UTRN: variants seen among roughly 807,000 people sequenced by gnomAD.
The protein encoded by UTRN is utrophin.
Under a neutral mutation model 463.9 loss-of-function variants are expected in UTRN, and 283 were observed. The ratio of observed to expected loss-of-function variants is 0.61; its 90% CI spans 0.55 to 0.67. The LOEUF (loss-of-function observed/expected upper bound fraction) is 0.67, where lower values mean the gene tolerates loss of function less well. Among genes scored for constraint, UTRN ranks in the 30% least tolerant of loss-of-function variants. The pLI is 0.00. For missense variants in UTRN, 3,922 were observed against 4,084.3 expected, an observed-to-expected ratio of 0.96 and a Z score of 1.08; for synonymous variants, 1,442 against 1,431.5, an observed-to-expected ratio of 1.01 and a Z score of -0.17.
chr6:144,777,361 G>GA (rs560097632), intron 60 of UTRN, among the ~76,000 whole-genome samples: 4 of 151,768 alleles, frequency 2.6e-5, no homozygotes, highest in South Asian at 2.1e-4. Flanking sequence ...TTAAATGGCA[G>GA]AAAAAAAATG....
At chr6:144,583,847 G>C (rs1802209971) in intron 51 of UTRN, among the ~76,000 whole-genome samples, 1 of 152,154 alleles carries the variant, frequency 6.6e-6, no homozygotes. Context: ...CTAGTGAAAT[G>C]TTTGGAGAAA....
At chr6:144,463,005 T>C (rs1038195997) in intron 23 of UTRN, 139 bp downstream of exon 23, 15 of 797,164 alleles carry the variant, frequency 1.9e-5, no homozygotes, top group Non-Finnish European at 1.7e-5. Flanking sequence ...TTGGGACTTA[T>C]CAAAGATGTA....
chr6:144,614,724 A>G (rs1805891883), intron 51 of UTRN, among the ~76,000 whole-genome samples: 1 of 152,166 alleles, frequency 6.6e-6, no homozygotes, highest in African/African-American at 2.4e-5. Flanking sequence ...AGGAGGTCAA[A>G]TGTGCTTTTG....
chr6:144,325,095 G>T (rs9496931), intron 2 of UTRN, among the ~76,000 whole-genome samples: 194 of 152,298 alleles, frequency 1.3e-3, no homozygotes, highest in Admixed American at 2.7e-3. Context: ...GCATGGCAAG[G>T]CTCTGAATAG....
At chr6:144,667,549 C>T (rs1780553663) in intron 51 of UTRN, among the ~76,000 whole-genome samples, 1 of 152,158 alleles carries the variant, frequency 6.6e-6, no homozygotes, top group Non-Finnish European at 1.5e-5. Context: ...CTTGTCGTGT[C>T]ATTGAGCTTC....
At chr6:144,552,001 A>G (rs974606227) in intron 48 of UTRN, among the ~76,000 whole-genome samples, 3 of 151,724 alleles carry the variant, frequency 2.0e-5, no homozygotes, top group Non-Finnish European at 4.4e-5. Flanking sequence ...CTTTCCCCCC[A>G]TTGCTTTATT....
chr6:144,575,364 C>G (rs1375905235), intron 50 of UTRN, among the ~76,000 whole-genome samples: 1 of 152,102 alleles, frequency 6.6e-6, no homozygotes, highest in African/African-American at 2.4e-5. Context: ...ACATTTCTCC[C>G]TCTATGTATA....
At chr6:144,561,205 TTATATATATATATA>T (rs1162903466) in intron 50 of UTRN, among the ~76,000 whole-genome samples, 3,833 of 59,820 alleles carry the variant, frequency 0.064, 190 homozygotes, top group Middle Eastern at 0.11. Flanking sequence ...AAAAATAACA[TTATATATATATATA>T]TATATATATA....
intron 9 of UTRN, among the ~76,000 whole-genome samples, chr6:144,435,608 G>T (rs1427037925): frequency 6.6e-6 from 1 of 152,146 alleles, no homozygotes; most frequent in African/African-American, 2.4e-5. Context: ...ATCATGCCTT[G>T]TTGGGACCAT....
chr6:144,594,978 C>T (rs1029243831), intron 51 of UTRN, among the ~76,000 whole-genome samples: 20 of 151,994 alleles, frequency 1.3e-4, no homozygotes, highest in Admixed American at 5.9e-4. Context: ...TCTAGGGCAG[C>T]TTATGTTAAA....
At chr6:144,762,160 T>A (rs1332085228) in intron 58 of UTRN, among the ~76,000 whole-genome samples, 3 of 152,172 alleles carry the variant, frequency 2.0e-5, no homozygotes, top group Admixed American at 1.3e-4. Context: ...TAAAAGTAAT[T>A]AATAAGCACG....
chr6:144,421,031 G>T (rs2114845535), intron 3 of UTRN, among the ~76,000 whole-genome samples: 1 of 152,210 alleles, frequency 6.6e-6, no homozygotes, highest in East Asian at 1.9e-4. Context: ...TTTTGAGATG[G>T]AGTCTTGCCA....
intron 2 of UTRN, among the ~76,000 whole-genome samples, chr6:144,301,522 ATCTTTCTT>A (rs1183345997): frequency 7.6e-6 from 1 of 132,372 alleles, no homozygotes; most frequent in Non-Finnish European, 1.6e-5. Context: ...ATGCCATCCT[ATCTTTCTT>A]TCTTTCTTTT....
chr6:144,649,668 CT>C (rs1353437957), intron 51 of UTRN, among the ~76,000 whole-genome samples: 1 of 150,762 alleles, frequency 6.6e-6, no homozygotes, highest in Non-Finnish European at 1.5e-5. Flanking sequence ...AAGGGAACTT[CT>C]TTTTTTTTAA....
chr6:144,590,071 G>A (rs775860404), intron 51 of UTRN, among the ~76,000 whole-genome samples: 2 of 151,856 alleles, frequency 1.3e-5, no homozygotes, highest in African/African-American at 2.4e-5. Flanking sequence ...ATGTTGCGCC[G>A]GCTGGTCTCA....
chr6:144,492,415 C>T (rs1447061345), intron 32 of UTRN, among the ~76,000 whole-genome samples: 1 of 152,090 alleles, frequency 6.6e-6, no homozygotes, highest in Non-Finnish European at 1.5e-5. Flanking sequence ...TTTATCCATT[C>T]CCCCATTGAT....
chr6:144,822,444 T>C (rs746633986), intron 66 of UTRN, among the ~76,000 whole-genome samples: 6 of 152,136 alleles, frequency 3.9e-5, no homozygotes, highest in Non-Finnish European at 5.9e-5. Context: ...AAATTTCAAC[T>C]GTGTGATTAC....
chr6:144,594,148 A>T (rs1464098180), intron 51 of UTRN, among the ~76,000 whole-genome samples: 1 of 152,228 alleles, frequency 6.6e-6, no homozygotes, highest in Non-Finnish European at 1.5e-5. Flanking sequence ...GAATTAAATT[A>T]TAGATTTGTA....
intron 51 of UTRN, among the ~76,000 whole-genome samples, chr6:144,610,510 A>G (rs900426858): frequency 1.3e-5 from 2 of 152,178 alleles, no homozygotes; most frequent in Middle Eastern, 3.2e-3. Context: ...ACTAATACCA[A>G]TTCTAAGCTT....
Sources: gnomAD v4.1 joint callset for allele counts (sites outside exome capture counted in the v4.1 genomes callset) on GRCh38, gnomAD v4.1.1 for gene constraint, MANE v1.5 for transcripts, NCBI Gene and HGNC (gene_info 2026-07-23, HGNC 2026-07-21) for gene names.